Variants in CAMSAP1 observed in about 807,000 individuals in gnomAD.
The protein encoded by CAMSAP1 is calmodulin regulated spectrin associated protein 1, also known as calmodulin-regulated spectrin-associated protein 1.
CAMSAP1 carries 58 observed loss-of-function variants against 143.5 expected under a neutral mutation model. That is an observed-to-expected ratio of 0.40 (90% CI 0.33 to 0.50). CAMSAP1 has a LOEUF of 0.50. Among genes scored for constraint, CAMSAP1 ranks in the 20% least tolerant of loss-of-function variants. The probability of loss-of-function intolerance (pLI) is 0.45; values close to 1 mark genes in which losing one functional copy is unlikely to be tolerated. For missense variants in CAMSAP1, 1,969 were observed against 2,115.7 expected (o/e 0.93, Z 1.36); for synonymous variants, 945 against 859.3 (o/e 1.10, Z -1.74).
intron 4 of CAMSAP1, chr9:135,865,390 G>A (rs1312881407): frequency 1.3e-6 from 2 of 1,550,530 alleles, no homozygotes; most frequent in Non-Finnish European, 1.7e-6. Context: ...GAGAAGGAAG[G>A]CAGGAGAGGA....
intron 7 of CAMSAP1, among the ~76,000 whole-genome samples, chr9:135,834,527 T>A (rs1260561536): frequency 6.6e-6 from 1 of 152,230 alleles, no homozygotes; most frequent in East Asian, 1.9e-4. Context: ...GAAGATATTA[T>A]GTACAGTGAA....
chr9:135,838,715 TACAG>T (rs576129534), intron 7 of CAMSAP1, among the ~76,000 whole-genome samples: 42 of 150,500 alleles, frequency 2.8e-4, no homozygotes, highest in African/African-American at 9.9e-4. Flanking sequence ...CCACCCGTTC[TACAG>T]ACACACATCA....
chr9:135,894,373 G>A (rs12335953), intron 1 of CAMSAP1, among the ~76,000 whole-genome samples: 3,067 of 152,302 alleles, frequency 0.02, 94 homozygotes, highest in African/African-American at 0.07. Flanking sequence ...GGCGGACACC[G>A]GCACAGGAGC....
chr9:135,829,332 T>C (rs1345930219), intron 7 of CAMSAP1, among the ~76,000 whole-genome samples: 1 of 148,290 alleles, frequency 6.7e-6, no homozygotes, highest in Non-Finnish European at 1.5e-5. Context: ...CAAGACCTCA[T>C]CTCTACTGAA....
intron 5 of CAMSAP1, among the ~76,000 whole-genome samples, chr9:135,860,047 A>T (rs549622521): frequency 4.2e-4 from 63 of 150,424 alleles, no homozygotes; most frequent in Non-Finnish European, 8.3e-4. Flanking sequence ...TCCACAAAAA[A>T]AAAAAAAATA....
rs377101498 is a variant in CAMSAP1, at chr9:135,850,201, A to G, written c.981T>C (p.Phe327=). 17 of 1,613,018 alleles carry G rather than the reference A, an allele frequency of 1.1e-5. No homozygotes were observed. In the African/African-American group the frequency reaches 2.3e-4, roughly 22 times the overall value. ...PNVMVFIAEL[F]WWFENVKPDF... Reference sequence around the variant, plus strand: ...CTGGCTTGACATTCTCGAACCACCAAAAAAGCTCCGCAATAAAAACCATAA... The same window carrying G: ...CTGGCTTGACATTCTCGAACCACCAGAAAAGCTCCGCAATAAAAACCATAA... The change falls in exon 7 of 17, where the codon TTT becomes TTC. Residue 327 remains phenylalanine, a synonymous_variant. Transcript: ENST00000389532.
rs189404067 is a variant in CAMSAP1 at position 135,823,608 on chromosome 9, C to A, written c.1400+342G>T. Among the ~76,000 whole-genome samples the A allele has an allele frequency of 1.2e-4, 18 of 152,332 alleles. No individual in the cohort carries two copies. In the East Asian group the frequency reaches 3.3e-3, roughly 28 times the overall value. On this transcript the variant is annotated intron_variant, in intron 10 of 16. Coordinates refer to ENST00000389532, the MANE Select transcript of CAMSAP1 (RefSeq NM_015447.4). ...TTACAGTAATTAGCCCACTCCATGA[C>A]AAATGACTATATTCGCCAGAACGGA...
chr9:135,905,797 T>C (rs1838759212), intron 1 of CAMSAP1, among the ~76,000 whole-genome samples: 3 of 152,202 alleles, frequency 2.0e-5, no homozygotes. Flanking sequence ...CAGCCGGCAG[T>C]GACTGCAAGA....
At chr9:135,880,806 A>G (rs1354337040) in intron 3 of CAMSAP1, among the ~76,000 whole-genome samples, 2 of 152,222 alleles carry the variant, frequency 1.3e-5, no homozygotes, top group Non-Finnish European at 2.9e-5. Context: ...ACCTTTTTGC[A>G]TATCAGGATG....
chr9:135,868,687 G>A (rs1172845439), intron 3 of CAMSAP1, among the ~76,000 whole-genome samples: 23 of 139,410 alleles, frequency 1.6e-4, no homozygotes, highest in Non-Finnish European at 7.5e-5. Flanking sequence ...GCATGATCTC[G>A]GCTCACTGCA....
intron 4 of CAMSAP1, among the ~76,000 whole-genome samples, 159 bp from the exon 5 acceptor site, chr9:135,862,767 C>T (rs1039438454): frequency 2.6e-5 from 4 of 152,136 alleles, no homozygotes; most frequent in Non-Finnish European, 4.4e-5. Flanking sequence ...GTCTGGATTA[C>T]GTACTTTGCC....
intron 1 of CAMSAP1, among the ~76,000 whole-genome samples, chr9:135,890,943 C>G (rs1838271355): frequency 6.6e-6 from 1 of 152,170 alleles, no homozygotes; most frequent in South Asian, 2.1e-4. Flanking sequence ...AAACTCTGGA[C>G]AAAAGACAAA....
chr9:135,905,551 G>A (rs1413639009), intron 1 of CAMSAP1, among the ~76,000 whole-genome samples: 3 of 152,220 alleles, frequency 2.0e-5, no homozygotes, highest in Non-Finnish European at 4.4e-5. Context: ...ACGAGCAGCT[G>A]CGGTGAACAG....
intron 7 of CAMSAP1, among the ~76,000 whole-genome samples, chr9:135,837,509 C>G (rs1277812352): frequency 6.6e-6 from 1 of 151,132 alleles, no homozygotes; most frequent in African/African-American, 2.4e-5. Context: ...TCTACCGGTT[C>G]TACAGACACA....
chr9:135,848,820 C>G (rs1344616690), intron 7 of CAMSAP1, among the ~76,000 whole-genome samples: 1 of 152,302 alleles, frequency 6.6e-6, no homozygotes, highest in East Asian at 1.9e-4. Context: ...GCACAAGTAC[C>G]AAGTTTCCCT....
At position 135,821,239 on chromosome 9, in the gene CAMSAP1, T is replaced by A. The variant is rs1835444527; in HGVS notation, c.3422A>T (p.His1141Leu). 6.2e-7 allele frequency: 1 copy of A among 1,608,122 alleles called. No individual in the cohort carries two copies. Among genetic ancestry groups the A allele is most frequent in the African/African-American group, 1.3e-5 (1 of 74,934 alleles). The change falls in exon 11 of 17, where the codon CAC becomes CTC. Residue 1141 changes from histidine to leucine, a missense_variant. Transcript: ENST00000389532. This position sits in a 1 kb window ranked among gnomAD's most constrained non-coding sequence, Gnocchi z 4.6. ...PHLRPFPASSHPRTPTDPGLD... is the reference protein window; with the variant it reads ...PHLRPFPASSLPRTPTDPGLD... ...GCCAGGGTCCGTGGGCGTCCGAGGG[T>A]GGCTGCTGGCAGGGAAGGGTCTCAA...
At position 135,826,449 on chromosome 9, in the gene CAMSAP1, C is replaced by T. The variant is rs1188342566; in HGVS notation, c.1223+958G>A. On this transcript the variant is annotated intron_variant, in intron 8 of 16. Coordinates refer to ENST00000389532, the MANE Select transcript of CAMSAP1 (RefSeq NM_015447.4). The surrounding 1 kb of genome is among the most constrained non-coding windows in gnomAD (Gnocchi z 4.4). The stretch of plus-strand genomic sequence containing the variant: ...CCCCTCCCTCAGCTATGCCCCACCC[C>T]TGGGTGTGTACCCCCCCACCACTGC... 2 of 152,536 alleles carry T rather than the reference C, an allele frequency of 1.3e-5. No individual in the cohort carries two copies. Among genetic ancestry groups the T allele is most frequent in the Non-Finnish European group, 1.5e-5 (1 of 68,110 alleles). 9.4% of individuals were successfully genotyped at this position (152,536 alleles called of 1,614,324 possible).
In CAMSAP1 at chr9:135,836,073, CA is replaced by C. The variant is rs1335354043; in HGVS notation, c.1046-8490del. The C allele has an allele frequency of 8.2e-6, 8 of 975,718 alleles. 1 individual carries two copies. The highest frequency in any genetic ancestry group is 1.0e-3 in the Middle Eastern group (2 of 1,922). The allele number at this position is 975,718 out of a possible 1,614,324, so 60.4% of individuals were successfully genotyped here. ...TTTTTCAGAGCTTCTCTTATCCGAC[CA>C]GGGGCAGAAACTTCGGAAAGAGAGC... On this transcript the variant is annotated intron_variant, in intron 7 of 16. Coordinates refer to ENST00000389532, the MANE Select transcript of CAMSAP1 (RefSeq NM_015447.4).
At chr9:135,880,320 C>T (rs896025993) in intron 3 of CAMSAP1, among the ~76,000 whole-genome samples, 12 of 152,048 alleles carry the variant, frequency 7.9e-5, no homozygotes, top group African/African-American at 2.7e-4. Flanking sequence ...TGAGACATGG[C>T]GCTCACCACC....
Sources: gnomAD v4.1 joint callset for allele counts (sites outside exome capture counted in the v4.1 genomes callset) on GRCh38, gnomAD v4.1.1 for gene constraint, Gnocchi (gnomAD v3.1) non-coding constraint, MANE v1.5 for transcripts, NCBI Gene and HGNC (gene_info 2026-07-23, HGNC 2026-07-21) for gene names.